PALS1: variants seen among roughly 807,000 people sequenced by gnomAD.
The protein encoded by PALS1 is protein PALS1.
Under a neutral mutation model 78.9 loss-of-function variants are expected in PALS1, and 31 were observed. That is an observed-to-expected ratio of 0.39 (90% CI 0.30 to 0.53). The LOEUF is 0.53. PALS1 is among the 20% of genes least tolerant of loss of function. The pLI, the probability that PALS1 is intolerant of heterozygous loss-of-function variation, is 0.67. For synonymous variants in PALS1, 276 were observed against 270.9 expected (o/e 1.02, Z -0.18); for missense variants, 704 against 826.5 (o/e 0.85, Z 1.82).
chr14:67,307,360 CATTT>C (rs1390586419), intron 8 of PALS1, among the ~76,000 whole-genome samples: 1 of 152,100 alleles, frequency 6.6e-6, no homozygotes, highest in Non-Finnish European at 1.5e-5. Flanking sequence ...GGGACTTTTT[CATTT>C]AGTCTAATGC....
chr14:67,297,105 A>G (rs896197593), intron 4 of PALS1, among the ~76,000 whole-genome samples: 12 of 152,340 alleles, frequency 7.9e-5, no homozygotes, highest in Middle Eastern at 3.4e-3. Context: ...CTTTGGGGGA[A>G]AAAAAGAAAA....
chr14:67,251,214 C>A (rs1368200634), intron 1 of PALS1, among the ~76,000 whole-genome samples: 1 of 152,122 alleles, frequency 6.6e-6, no homozygotes, highest in East Asian at 1.9e-4. Flanking sequence ...TTGATGAAAG[C>A]CATTTTCCAC....
rs375903079 is a variant in PALS1, at chr14:67,258,988, G to A, written c.-236-10713G>A. ...CTCCCGAGTAGCTGGGACTACAGGC[G>A]CGTGCCACCATGCCTGGCTAATTTT... On this transcript the variant is annotated intron_variant, in intron 1 of 14. Transcript: ENST00000261681. Among the ~76,000 whole-genome samples, 18 of 151,790 alleles carry A rather than the reference G, an allele frequency of 1.2e-4. No individual in the cohort carries two copies. In the East Asian group the frequency reaches 2.4e-3, roughly 20 times the overall value.
At chr14:67,268,534 C>T (rs905599331) in intron 1 of PALS1, among the ~76,000 whole-genome samples, 1 of 152,118 alleles carries the variant, frequency 6.6e-6, no homozygotes, top group African/African-American at 2.4e-5. Flanking sequence ...ATGAATTTTC[C>T]GGGGGAAAGG....
In PALS1 at chr14:67,292,711, G is replaced by A. The variant is rs528583805; in HGVS notation, c.568G>A (p.Ala190Thr). 5 of 1,612,912 alleles carry A rather than the reference G, an allele frequency of 3.1e-6. No individual in the cohort carries two copies. Among genetic ancestry groups the A allele is most frequent in the African/African-American group, 1.3e-5 (1 of 74,892 alleles). The change falls in exon 4 of 15, where the codon GCT (alanine) becomes ACT (threonine). Residue 190 changes from alanine to threonine, a missense_variant. Coordinates refer to ENST00000261681, the MANE Select transcript of PALS1 (RefSeq NM_022474.4). The part of the protein sequence containing the change: ...FPLISNAQDL[A>T]QEVQTVLKPV... ...TCTTATCTCCAACGCACAAGATCTT[G>A]CTCAAGAGGTATGTATTCTAAACAT... is the stretch of plus-strand genomic sequence containing the variant.
chr14:67,246,738 G>A (rs1439513889), intron 1 of PALS1, among the ~76,000 whole-genome samples: 3 of 132,606 alleles, frequency 2.3e-5, no homozygotes, highest in East Asian at 2.6e-4. Context: ...GCAACTTCCC[G>A]CCTCCTGGGT....
chr14:67,307,406 G>A (rs558572795), intron 8 of PALS1, among the ~76,000 whole-genome samples: 1 of 152,246 alleles, frequency 6.6e-6, no homozygotes, highest in African/African-American at 2.4e-5. Context: ...TTTAAATGAA[G>A]AAGGATCACA....
At chr14:67,326,550 G>C (rs1030096188) in intron 14 of PALS1, among the ~76,000 whole-genome samples, 9 of 152,084 alleles carry the variant, frequency 5.9e-5, no homozygotes, top group Non-Finnish European at 1.0e-4. Context: ...ATGTGTACCT[G>C]TGTAACCACC....
intron 1 of PALS1, among the ~76,000 whole-genome samples, chr14:67,258,931 C>T (rs1023562179): frequency 6.6e-6 from 1 of 151,992 alleles, no homozygotes; most frequent in Non-Finnish European, 1.5e-5. Flanking sequence ...AGCCTCCCAC[C>T]TCCCGGGTTC....
chr14:67,333,195 G>A lies in PALS1; in HGVS notation c.*239G>A, dbSNP rs2085477108. ...CTTGCCTCATTTTGGGATTCTAAATGGAAGCTTTCAACAGAGCATTCCATT... is the reference window on the plus strand; with the variant it reads ...CTTGCCTCATTTTGGGATTCTAAATAGAAGCTTTCAACAGAGCATTCCATT... On this transcript the variant is annotated 3_prime_UTR_variant, in exon 15 of 15. Transcript: ENST00000261681. The A allele has an allele frequency of 2.8e-6, 1 of 362,178 alleles. No individual in the cohort carries two copies. The highest frequency in any genetic ancestry group is 5.0e-6 in the Non-Finnish European group (1 of 200,564). The allele number at this position is 362,178 out of a possible 1,614,324, so 22.4% of individuals were successfully genotyped here.
At chr14:67,320,156 A>G in intron 11 of PALS1, 74 bp from the exon 12 acceptor site, 1 of 1,369,742 alleles carries the variant, frequency 7.3e-7, no homozygotes, top group Non-Finnish European at 9.7e-7. Context: ...TTTTGGGTGA[A>G]GATCTATGAG....
intron 3 of PALS1, among the ~76,000 whole-genome samples, chr14:67,286,803 G>T (rs1307838840): frequency 2.1e-5 from 3 of 144,920 alleles, no homozygotes; most frequent in African/African-American, 7.9e-5. Flanking sequence ...GCTGCAGTGA[G>T]CTCTGATTAC....
intron 2 of PALS1, among the ~76,000 whole-genome samples, chr14:67,275,125 C>T (rs909120829): frequency 2.0e-5 from 3 of 152,102 alleles, no homozygotes; most frequent in Non-Finnish European, 2.9e-5. Flanking sequence ...TTCTCCTGCC[C>T]GATTGCCTTG....
intron 8 of PALS1, among the ~76,000 whole-genome samples, chr14:67,306,166 C>T (rs1004923228): frequency 6.6e-6 from 1 of 152,150 alleles, no homozygotes; most frequent in Non-Finnish European, 1.5e-5. Flanking sequence ...GATGGGGTTT[C>T]ACTATGTTGG....
chr14:67,296,461 T>C (rs2140857125), intron 4 of PALS1, among the ~76,000 whole-genome samples: 1 of 150,278 alleles, frequency 6.7e-6, no homozygotes, highest in African/African-American at 2.4e-5. Flanking sequence ...ATTAGGCGGG[T>C]GTGGTGGTAC....
intron 14 of PALS1, among the ~76,000 whole-genome samples, chr14:67,325,802 AT>A (rs1235821631): frequency 6.8e-6 from 1 of 148,136 alleles, no homozygotes; most frequent in Non-Finnish European, 1.5e-5. Context: ...CATGTTAAAC[AT>A]GTTAAGCATC....
At chr14:67,274,394 T>TC (rs1310260166) in intron 2 of PALS1, among the ~76,000 whole-genome samples, 3 of 152,076 alleles carry the variant, frequency 2.0e-5, no homozygotes, top group African/African-American at 4.8e-5. Flanking sequence ...TTTCCCCATT[T>TC]TTGTTTTTGT....
intron 1 of PALS1, among the ~76,000 whole-genome samples, chr14:67,260,481 G>A (rs1197475476): frequency 1.3e-5 from 2 of 152,156 alleles, no homozygotes; most frequent in African/African-American, 4.8e-5. Flanking sequence ...TCGGGGGCTT[G>A]CAATTAATAG....
Position 67,303,524 on chromosome 14 carries a change from T to G in PALS1, c.966T>G (p.Ser322=). Residue 322 remains serine (S), a splice_region_variant and synonymous_variant, in exon 8 of 15, where the codon TCT becomes TCG. Transcript: ENST00000261681. ...ATAACCTGATCTTTCTATTACAGTCTGATATGCATGGTACTTTGACTTTTG... is the reference window on the plus strand; with the variant it reads ...ATAACCTGATCTTTCTATTACAGTCGGATATGCATGGTACTTTGACTTTTG... ...KDVNEVFDLL[S]DMHGTLTFVL... 1.2e-6 allele frequency: 2 copies of G among 1,611,248 alleles called. No homozygotes were observed. The highest frequency in any genetic ancestry group is 1.1e-5 in the South Asian group (1 of 91,022).
Sources: gnomAD v4.1 joint callset for allele counts (sites outside exome capture counted in the v4.1 genomes callset) on GRCh38, gnomAD v4.1.1 for gene constraint, MANE v1.5 for transcripts, NCBI Gene and HGNC (gene_info 2026-07-23, HGNC 2026-07-21) for gene names.